Variants in SYT14 observed in about 807,000 individuals in gnomAD.
SYT14 encodes synaptotagmin-14.
Under a neutral mutation model 74.2 loss-of-function variants are expected in SYT14, and 32 were observed. That is an observed-to-expected ratio of 0.43 (90% CI 0.33 to 0.58). The LOEUF is 0.58. Among genes scored for constraint, SYT14 ranks in the 20% least tolerant of loss-of-function variants. The pLI is 0.05. For missense variants in SYT14, 791 were observed against 981.8 expected, an observed-to-expected ratio of 0.81 and a Z score of 2.60; for synonymous variants, 298 against 337.7, an observed-to-expected ratio of 0.88 and a Z score of 1.29.
At chr1:210,092,721 T>A (rs2081897637) in intron 5 of SYT14, among the ~76,000 whole-genome samples, 1 of 152,224 alleles carries the variant, frequency 6.6e-6, no homozygotes, top group East Asian at 1.9e-4. Context: ...CGTTATAAAC[T>A]AAAGTTAGTA....
chr1:210,039,450 A>G (rs2080737965), intron 5 of SYT14, among the ~76,000 whole-genome samples: 1 of 152,194 alleles, frequency 6.6e-6, no homozygotes, highest in Non-Finnish European at 1.5e-5. Context: ...AACCTAGGCA[A>G]TACCATTCAG....
chr1:209,953,293 A>G (rs2078941445), intron 2 of SYT14: 3 of 1,265,900 alleles, frequency 2.4e-6, no homozygotes, highest in Non-Finnish European at 3.1e-6. Flanking sequence ...GCAAGGAATC[A>G]GGTATTCTCT....
chr1:209,994,813 A>G (rs1249118276), intron 2 of SYT14, among the ~76,000 whole-genome samples: 1 of 152,246 alleles, frequency 6.6e-6, no homozygotes, highest in African/African-American at 2.4e-5. Context: ...CTCACTAGCC[A>G]GAAGAAATTG....
chr1:210,115,386 G>A (rs1332784027), intron 7 of SYT14, among the ~76,000 whole-genome samples: 1 of 151,116 alleles, frequency 6.6e-6, no homozygotes, highest in African/African-American at 2.5e-5. Context: ...GGAAAGTGGT[G>A]CTTGCCACTA....
chr1:210,096,445 G>A (rs2081968088), intron 6 of SYT14, among the ~76,000 whole-genome samples: 1 of 152,178 alleles, frequency 6.6e-6, no homozygotes, highest in Non-Finnish European at 1.5e-5. Flanking sequence ...AGTAAGAGGA[G>A]CTGGATGAAA....
At chr1:209,952,786 A>G (rs747509410) in intron 2 of SYT14, 30 bp downstream of exon 2, 25 of 1,567,750 alleles carry the variant, frequency 1.6e-5, no homozygotes, top group East Asian at 2.2e-5. Context: ...GGCTATTTAC[A>G]TACTAAATGA....
intron 2 of SYT14, among the ~76,000 whole-genome samples, chr1:209,977,952 C>G (rs1286546133): frequency 3.3e-5 from 5 of 152,152 alleles, no homozygotes; most frequent in Admixed American, 3.3e-4. Context: ...TCATTTCATT[C>G]ACTTGATCTT....
At chr1:209,938,315 C>A in intron 1 of SYT14, 38 bp downstream of exon 1, 1 of 1,541,528 alleles carries the variant, frequency 6.5e-7, no homozygotes, top group South Asian at 1.2e-5. Flanking sequence ...AGGACCGGGA[C>A]CACCCAGCTG....
chr1:209,989,260 A>G (rs1423994997), intron 2 of SYT14, among the ~76,000 whole-genome samples: 2 of 152,184 alleles, frequency 1.3e-5, no homozygotes, highest in Non-Finnish European at 2.9e-5. Context: ...TAGACTATAT[A>G]AAAATCTGCA....
At chr1:210,148,818 A>G (rs2083097925) in intron 7 of SYT14, among the ~76,000 whole-genome samples, 1 of 152,194 alleles carries the variant, frequency 6.6e-6, no homozygotes, top group South Asian at 2.1e-4. Flanking sequence ...CAGAGAATGA[A>G]AAGGAAAGGT....
intron 5 of SYT14, among the ~76,000 whole-genome samples, chr1:210,074,497 C>T (rs1033159499): frequency 2.6e-5 from 4 of 152,214 alleles, no homozygotes; most frequent in Non-Finnish European, 5.9e-5. Context: ...TGTCACCCAA[C>T]TGCTGCCCTA....
intron 2 of SYT14, among the ~76,000 whole-genome samples, chr1:209,983,803 A>C (rs150860950): frequency 1.8e-4 from 28 of 152,338 alleles, no homozygotes; most frequent in East Asian, 7.7e-4. Flanking sequence ...TGTTGAAAAC[A>C]ACATTTTGAA....
At chr1:210,070,423 A>G (rs2081371514) in intron 5 of SYT14, among the ~76,000 whole-genome samples, 1 of 152,138 alleles carries the variant, frequency 6.6e-6, no homozygotes. Flanking sequence ...AGTTAAAATT[A>G]CACAGATCTT....
intron 7 of SYT14, among the ~76,000 whole-genome samples, chr1:210,148,373 G>A (rs2083085937): frequency 6.6e-6 from 1 of 152,106 alleles, no homozygotes; most frequent in African/African-American, 2.4e-5. Flanking sequence ...GCCGGGCGTG[G>A]TGGCGGGCGC....
intron 2 of SYT14, among the ~76,000 whole-genome samples, chr1:209,988,725 A>T (rs1166528878): frequency 6.6e-6 from 1 of 152,176 alleles, no homozygotes; most frequent in Non-Finnish European, 1.5e-5. Flanking sequence ...AAAATTCTGG[A>T]TCTTCAGAAT....
chr1:210,086,362 T>C (rs562999198), intron 5 of SYT14, among the ~76,000 whole-genome samples: 1 of 152,244 alleles, frequency 6.6e-6, no homozygotes, highest in Non-Finnish European at 1.5e-5. Context: ...CTTATTCATA[T>C]ATTTATTTAT....
chr1:210,062,318 C>A (rs551354025), intron 5 of SYT14, among the ~76,000 whole-genome samples: 20 of 151,918 alleles, frequency 1.3e-4, no homozygotes, highest in Admixed American at 9.8e-4. Flanking sequence ...ATGATCTCTG[C>A]AAATGGTTGA....
chr1:210,155,651 T>C, intron 7 of SYT14, 70 bp from the exon 7 acceptor site: 1 of 1,522,832 alleles, frequency 6.6e-7, no homozygotes, highest in Non-Finnish European at 9.0e-7. Flanking sequence ...CAAATAAACA[T>C]GGCATAACAA....
intron 2 of SYT14, among the ~76,000 whole-genome samples, chr1:210,009,204 G>A (rs1409301748): frequency 3.3e-5 from 5 of 152,098 alleles, no homozygotes; most frequent in Admixed American, 2.0e-4. Flanking sequence ...TTATGTACAG[G>A]TGGGATTTAC....
Sources: gnomAD v4.1 joint callset for allele counts (sites outside exome capture counted in the v4.1 genomes callset) on GRCh38, gnomAD v4.1.1 for gene constraint, MANE v1.5 for transcripts, NCBI Gene and HGNC (gene_info 2026-07-23, HGNC 2026-07-21) for gene names.